Variants in RALGAPA1 observed in about 807,000 individuals in gnomAD.
The protein encoded by RALGAPA1 is ral GTPase-activating protein subunit alpha-1.
A neutral mutation model predicts 269.6 loss-of-function variants in RALGAPA1; 52 were observed. That is an observed-to-expected ratio of 0.19 (90% CI 0.15 to 0.24). The LOEUF is 0.24. Ranked by LOEUF, RALGAPA1 falls within the 10% of genes least tolerant of loss-of-function variation. RALGAPA1 has a pLI of 1.00. For synonymous variants in RALGAPA1, 817 were observed against 1,008.3 expected, an observed-to-expected ratio of 0.81 and a Z score of 3.60; for missense variants, 1,917 against 3,013.9, an observed-to-expected ratio of 0.64 and a Z score of 8.52.
intron 13 of RALGAPA1, among the ~76,000 whole-genome samples, chr14:35,726,954 T>C (rs1226101223): frequency 6.6e-6 from 1 of 152,096 alleles, no homozygotes; most frequent in Non-Finnish European, 1.5e-5. Context: ...GCTGTAAGAA[T>C]TAAGTAAGAA....
chr14:35,614,494 T>C (rs2060132269), intron 35 of RALGAPA1, among the ~76,000 whole-genome samples: 1 of 152,122 alleles, frequency 6.6e-6, no homozygotes, highest in Admixed American at 6.6e-5. Flanking sequence ...TCCATTTATA[T>C]GAAATTTCCA....
At chr14:35,656,302 T>C (rs1595001790) in intron 28 of RALGAPA1, among the ~76,000 whole-genome samples, 2 of 152,204 alleles carry the variant, frequency 1.3e-5, no homozygotes, top group Admixed American at 6.5e-5. Flanking sequence ...ATGAAGCTGA[T>C]GGAATATGTT....
At chr14:35,663,344 A>G (rs1314899841) in intron 27 of RALGAPA1, among the ~76,000 whole-genome samples, 1 of 152,126 alleles carries the variant, frequency 6.6e-6, no homozygotes, top group East Asian at 1.9e-4. Flanking sequence ...AAAGAGATAT[A>G]TGGATGCTAT....
chr14:35,612,724 G>C (rs772916368), intron 35 of RALGAPA1, among the ~76,000 whole-genome samples: 1 of 152,032 alleles, frequency 6.6e-6, no homozygotes, highest in African/African-American at 2.4e-5. Context: ...ATTTTTAGTA[G>C]AGATGGGGTT....
intron 16 of RALGAPA1, chr14:35,707,623 C>A (rs28829951): frequency 0.11 from 16,986 of 152,048 alleles, 1,577 homozygotes; most frequent in East Asian, 0.37. Flanking sequence ...ATGCAGTAGT[C>A]CTCAAAAGAA....
intron 23 of RALGAPA1, 51 bp from the exon 24 acceptor site, chr14:35,674,329 C>T (rs764179104): frequency 2.1e-6 from 3 of 1,437,674 alleles, no homozygotes; most frequent in East Asian, 4.7e-5. Flanking sequence ...GTTATCTCTT[C>T]CAGTTTACCT....
chr14:35,797,965 T>C (rs2076700615), intron 1 of RALGAPA1, among the ~76,000 whole-genome samples: 3 of 151,172 alleles, frequency 2.0e-5, no homozygotes, highest in Admixed American at 2.0e-4. Context: ...CTCGACCTCC[T>C]GGGCTCAAGC....
At chr14:35,668,691 A>G (rs939755838) in intron 26 of RALGAPA1, among the ~76,000 whole-genome samples, 16 of 152,042 alleles carry the variant, frequency 1.1e-4, no homozygotes, top group African/African-American at 3.9e-4. Context: ...CTATAGTCTC[A>G]GCTACTTGGG....
chr14:35,625,567 C>G, intron 34 of RALGAPA1, 135 bp from the exon 35 acceptor site: 2 of 531,428 alleles, frequency 3.8e-6, no homozygotes, highest in Non-Finnish European at 3.3e-6. Flanking sequence ...CAAAGGAGAA[C>G]AGACCCTAAA....
At chr14:35,727,143 TA>T (rs1357068963) in intron 13 of RALGAPA1, among the ~76,000 whole-genome samples, 3 of 151,122 alleles carry the variant, frequency 2.0e-5, no homozygotes, top group Non-Finnish European at 4.4e-5. Context: ...TCTTCTTTCT[TA>T]AAAAAAATTA....
intron 12 of RALGAPA1, 151 bp downstream of exon 12, chr14:35,738,362 T>A (rs1274630972): frequency 2.5e-6 from 1 of 405,646 alleles, no homozygotes; most frequent in East Asian, 4.0e-5. Context: ...ATATATATAT[T>A]AAGTGATGAA....
intron 34 of RALGAPA1, among the ~76,000 whole-genome samples, chr14:35,625,949 C>T (rs745720405): frequency 1.8e-4 from 27 of 152,150 alleles, no homozygotes; most frequent in Non-Finnish European, 3.5e-4. Context: ...AAAATCAATG[C>T]TTGCTGAAGT....
intron 39 of RALGAPA1, among the ~76,000 whole-genome samples, chr14:35,557,503 T>C (rs1342768243): frequency 2.0e-5 from 3 of 152,180 alleles, no homozygotes; most frequent in African/African-American, 7.2e-5. Flanking sequence ...ATAGAATCTA[T>C]GATAAGCAGT....
chr14:35,552,144 C>A (rs1468159472), intron 39 of RALGAPA1, among the ~76,000 whole-genome samples: 1 of 152,074 alleles, frequency 6.6e-6, no homozygotes, highest in Non-Finnish European at 1.5e-5. Flanking sequence ...AACAAGCCAA[C>A]CCAATCTACA....
In RALGAPA1 at chr14:35,581,265, G is replaced by A. The variant is rs538772311; in HGVS notation, c.7210-8547C>T. On this transcript the variant is annotated intron_variant, in intron 37 of 41. Transcript: ENST00000680220. ...AAATCTTATATACTAGAACTCTGAG[G>A]AAAAGATTAAGGCAACAGTCATTAG... Among the ~76,000 whole-genome samples the A allele has an allele frequency of 2.5e-4, 38 of 152,134 alleles. 1 individual carries two copies. Among genetic ancestry groups the A allele is most frequent in the Admixed American group, 2.1e-3 (32 of 15,270 alleles).
At chr14:35,645,498 A>C (rs1278682474) in intron 31 of RALGAPA1, among the ~76,000 whole-genome samples, 2 of 152,062 alleles carry the variant, frequency 1.3e-5, no homozygotes, top group Non-Finnish European at 2.9e-5. Context: ...TGGGAGGCTG[A>C]GACAGGCAGA....
At chr14:35,804,570 AAAATAAATAAAT>A (rs71124718) in intron 1 of RALGAPA1, among the ~76,000 whole-genome samples, 3,292 of 145,746 alleles carry the variant, frequency 0.023, 123 homozygotes, top group African/African-American at 0.077. Context: ...CTCCATCTCA[AAAATAAATAAAT>A]AAATAAATAA....
At chr14:35,554,571 C>T (rs989269227) in intron 39 of RALGAPA1, among the ~76,000 whole-genome samples, 10 of 151,688 alleles carry the variant, frequency 6.6e-5, no homozygotes, top group African/African-American at 2.2e-4. Flanking sequence ...TGGTCTCGAT[C>T]TCCTGACCTC....
intron 37 of RALGAPA1, among the ~76,000 whole-genome samples, chr14:35,586,933 T>C (rs182181238): frequency 3.9e-5 from 6 of 152,304 alleles, no homozygotes; most frequent in East Asian, 1.9e-4. Context: ...TTTTTGTGTA[T>C]GTGTATCTGC....
Sources: allele counts gnomAD v4.1 joint callset (sites outside exome capture counted in the v4.1 genomes callset), GRCh38; gene constraint gnomAD v4.1.1; transcripts MANE v1.5; gene names NCBI Gene and HGNC (gene_info 2026-07-23, HGNC 2026-07-21).